Variants in SORCS2 observed in about 807,000 individuals in gnomAD.
The protein encoded by SORCS2 is VPS10 domain-containing receptor SorCS2.
A neutral mutation model predicts 141.6 loss-of-function variants in SORCS2; 100 were observed. The ratio of observed to expected loss-of-function variants is 0.71; its 90% CI spans 0.60 to 0.83. SORCS2 has a LOEUF of 0.83. SORCS2 is among the 40% of genes least tolerant of loss of function. The probability of loss-of-function intolerance (pLI) is 0.00; values close to 1 mark genes in which losing one functional copy is unlikely to be tolerated. For synonymous variants in SORCS2, 789 were observed against 676.9 expected (o/e 1.17, Z -2.57); for missense variants, 1,646 against 1,560.2 (o/e 1.05, Z -0.93).
At chr4:7,703,007 G>C (rs1725177440) in intron 12 of SORCS2, among the ~76,000 whole-genome samples, 1 of 152,254 alleles carries the variant, frequency 6.6e-6, no homozygotes, top group African/African-American at 2.4e-5. Flanking sequence ...CATAGAGAGG[G>C]CTGCGTGCTG....
chr4:7,603,182 G>C (rs1022564424), intron 3 of SORCS2, among the ~76,000 whole-genome samples: 3 of 151,778 alleles, frequency 2.0e-5, no homozygotes, highest in Non-Finnish European at 4.4e-5. Context: ...TGGAAAGAGA[G>C]GGGGAGGGGG....
chr4:7,226,353 G>A (rs564046761), intron 1 of SORCS2, among the ~76,000 whole-genome samples: 224 of 152,330 alleles, frequency 1.5e-3, no homozygotes, highest in Admixed American at 2.5e-3. Context: ...CTCAAGCCTG[G>A]CCTTGCTGGA....
At chr4:7,210,248 G>A (rs551707379) in intron 1 of SORCS2, among the ~76,000 whole-genome samples, 1 of 152,278 alleles carries the variant, frequency 6.6e-6, no homozygotes, top group Admixed American at 6.5e-5. Flanking sequence ...TCCTCTGTGT[G>A]CTGAGGGCTG....
chr4:7,726,951 C>A, intron 21 of SORCS2, 48 bp downstream of exon 21: 1 of 1,583,156 alleles, frequency 6.3e-7, no homozygotes, highest in Non-Finnish European at 8.6e-7. Flanking sequence ...ATCTCTGCTG[C>A]AGTCCAGGAA....
chr4:7,340,589 G>C (rs1343786040), intron 1 of SORCS2, among the ~76,000 whole-genome samples: 1 of 152,242 alleles, frequency 6.6e-6, no homozygotes, highest in Non-Finnish European at 1.5e-5. Flanking sequence ...TGCGGGGTCT[G>C]AAACAGCCTC....
chr4:7,373,229 G>A (rs1173067454), intron 1 of SORCS2, among the ~76,000 whole-genome samples: 2 of 151,114 alleles, frequency 1.3e-5, no homozygotes, highest in African/African-American at 2.4e-5. Context: ...GTTGCTCCAC[G>A]TCCTCTTCAG....
At chr4:7,318,040 G>A (rs1373034227) in intron 1 of SORCS2, among the ~76,000 whole-genome samples, 2 of 152,330 alleles carry the variant, frequency 1.3e-5, no homozygotes, top group Non-Finnish European at 1.5e-5. Flanking sequence ...TGTGAAGGAC[G>A]CAGGGCAGAC....
At chr4:7,366,414 A>G (rs1721891062) in intron 1 of SORCS2, among the ~76,000 whole-genome samples, 1 of 151,132 alleles carries the variant, frequency 6.6e-6, no homozygotes, top group South Asian at 2.1e-4. Flanking sequence ...GGCTCAGCAC[A>G]GGAGGCGTTT....
At chr4:7,489,800 AG>A (rs1168044632) in intron 2 of SORCS2, among the ~76,000 whole-genome samples, 1 of 152,204 alleles carries the variant, frequency 6.6e-6, no homozygotes. Context: ...CCTGTTCATC[AG>A]GAAAATACTT....
intron 3 of SORCS2, among the ~76,000 whole-genome samples, chr4:7,618,248 C>T (rs1334748874): frequency 1.3e-5 from 2 of 152,172 alleles, no homozygotes; most frequent in East Asian, 1.9e-4. Context: ...TATCCCCTCA[C>T]CCCACCTCAG....
intron 1 of SORCS2, among the ~76,000 whole-genome samples, chr4:7,200,314 C>T (rs1485417728): frequency 5.9e-5 from 9 of 152,176 alleles, no homozygotes; most frequent in Middle Eastern, 3.4e-3. Context: ...GGGGTCCCTC[C>T]CCTGCCCTCC....
chr4:7,417,643 C>T (rs533122393), intron 2 of SORCS2, among the ~76,000 whole-genome samples: 12 of 152,298 alleles, frequency 7.9e-5, no homozygotes, highest in Admixed American at 7.2e-4. Context: ...CTGTGGGACC[C>T]GCTCTTCCCG....
chr4:7,501,113 G>A (rs140378163), intron 2 of SORCS2, among the ~76,000 whole-genome samples: 4 of 152,302 alleles, frequency 2.6e-5, no homozygotes, highest in East Asian at 1.9e-4. Context: ...CTGTGAAGGC[G>A]CGGGTGAGAC....
chr4:7,528,808 C>G (rs1733855863), intron 2 of SORCS2, among the ~76,000 whole-genome samples: 1 of 150,886 alleles, frequency 6.6e-6, no homozygotes, highest in South Asian at 2.1e-4. Flanking sequence ...GTGGCGAACT[C>G]TCTCTCGGGG....
chr4:7,281,056 G>A (rs963947129), intron 1 of SORCS2, among the ~76,000 whole-genome samples: 1 of 152,128 alleles, frequency 6.6e-6, no homozygotes, highest in South Asian at 2.1e-4. Context: ...GTGTCTGAAC[G>A]TGCCCTGCCC....
At chr4:7,332,608 G>A (rs1320123842) in intron 1 of SORCS2, among the ~76,000 whole-genome samples, 1 of 152,206 alleles carries the variant, frequency 6.6e-6, no homozygotes, top group African/African-American at 2.4e-5. Flanking sequence ...GCATATGAGG[G>A]GTGCTCACCC....
chr4:7,631,603 T>C (rs1190278022), intron 3 of SORCS2, among the ~76,000 whole-genome samples: 1 of 152,028 alleles, frequency 6.6e-6, no homozygotes, highest in Non-Finnish European at 1.5e-5. Context: ...CTAGTACACC[T>C]CTCAGACCTA....
At chr4:7,350,104 C>G (rs762806137) in intron 1 of SORCS2, among the ~76,000 whole-genome samples, 2 of 151,972 alleles carry the variant, frequency 1.3e-5, no homozygotes, top group Non-Finnish European at 2.9e-5. Context: ...TATTTTCATG[C>G]ATTTTTCTGC....
chr4:7,540,733 C>G (rs965593409), intron 3 of SORCS2, among the ~76,000 whole-genome samples: 2 of 152,184 alleles, frequency 1.3e-5, no homozygotes, highest in Admixed American at 6.5e-5. Context: ...ACAGGCTTTA[C>G]GGAGACTCAA....
Sources: gnomAD v4.1 joint callset for allele counts (sites outside exome capture counted in the v4.1 genomes callset) on GRCh38, gnomAD v4.1.1 for gene constraint, MANE v1.5 for transcripts, NCBI Gene and HGNC (gene_info 2026-07-23, HGNC 2026-07-21) for gene names.